The following B3GAT2 variants were observed in gnomAD, a reference collection of about 807,000 sequenced individuals.
B3GAT2 encodes beta-1,3-glucuronyltransferase 2.
Under a neutral mutation model 27.8 loss-of-function variants are expected in B3GAT2, and 26 were observed. The observed-to-expected ratio is 0.93, with a 90% CI of 0.68 to 1.30. The LOEUF (loss-of-function observed/expected upper bound fraction) is 1.30. Among genes scored for constraint, B3GAT2 ranks in the 50% most tolerant of loss-of-function variants. The pLI is 0.00. For missense variants in B3GAT2, 458 were observed against 459.0 expected (o/e 1.00, Z 0.02); for synonymous variants, 218 against 195.1 (o/e 1.12, Z -0.98).
At position 70,860,122 on chromosome 6, in the gene B3GAT2, G is replaced by T; in HGVS notation, c.*1541C>A. On this transcript the variant is annotated 3_prime_UTR_variant, in exon 4 of 4. Transcript: ENST00000230053. The stretch of plus-strand genomic sequence containing the variant: ...CTAGTTGTCACATTAATGAAAAAAT[G>T]ACCAACTGTGTGGCTAAAGAAACAA... The T allele has an allele frequency of 6.8e-7, 1 of 1,467,432 alleles. No individual in the cohort carries two copies. The highest frequency in any genetic ancestry group is 1.5e-5 in the South Asian group (1 of 67,016). The allele number at this position is 1,467,432 out of a possible 1,614,324, so 90.9% of individuals were successfully genotyped here.
At chr6:70,880,482 T>C (rs1362240797) in intron 2 of B3GAT2, among the ~76,000 whole-genome samples, 7 of 152,110 alleles carry the variant, frequency 4.6e-5, no homozygotes, top group Non-Finnish European at 7.3e-5. Flanking sequence ...TCAAGTATTA[T>C]AGGAACTTGT....
At chr6:70,919,887 A>G (rs1772838387) in intron 1 of B3GAT2, among the ~76,000 whole-genome samples, 1 of 152,182 alleles carries the variant, frequency 6.6e-6, no homozygotes, top group Non-Finnish European at 1.5e-5. Context: ...TCTGTCCGTT[A>G]TCAGAGCTTG....
chr6:70,858,244 C>T lies in B3GAT2; in HGVS notation c.*3419G>A. 1 of 1,219,526 alleles carries T rather than the reference C, an allele frequency of 8.2e-7. No individual in the cohort carries two copies. The highest frequency in any genetic ancestry group is 1.1e-6 in the Non-Finnish European group (1 of 885,300). 75.5% of individuals were successfully genotyped at this position (1,219,526 alleles called of 1,614,324 possible). The stretch of plus-strand genomic sequence containing the variant: ...GCCTCTCACAGGTAGGGGTCATTTA[C>T]TTTCTAGCTTCTCCCAAATCAAACC... On this transcript the variant is annotated 3_prime_UTR_variant, in exon 4 of 4. Transcript: ENST00000230053.
intron 2 of B3GAT2, among the ~76,000 whole-genome samples, chr6:70,884,122 A>G (rs552888147): frequency 6.7e-6 from 1 of 150,298 alleles, no homozygotes; most frequent in Non-Finnish European, 1.5e-5. Context: ...AACAAAAAAA[A>G]CCCGCAACCA....
At chr6:70,884,175 T>A (rs1419407970) in intron 2 of B3GAT2, among the ~76,000 whole-genome samples, 58 of 152,048 alleles carry the variant, frequency 3.8e-4, no homozygotes, top group African/African-American at 1.4e-3. Flanking sequence ...ATGGTCTCTT[T>A]GCTCCTAGGT....
At chr6:70,895,112 T>C (rs1289678914) in intron 1 of B3GAT2, among the ~76,000 whole-genome samples, 1 of 152,208 alleles carries the variant, frequency 6.6e-6, no homozygotes, top group African/African-American at 2.4e-5. Flanking sequence ...ACACACCCCA[T>C]GCTGGAGCCC....
intron 1 of B3GAT2, among the ~76,000 whole-genome samples, chr6:70,948,109 C>T (rs1765521955): frequency 6.7e-6 from 1 of 148,578 alleles, no homozygotes; most frequent in Non-Finnish European, 1.5e-5. Flanking sequence ...CTATGACAAG[C>T]CCACAGCCAA....
chr6:70,886,048 A>G (rs1242781882), intron 2 of B3GAT2, among the ~76,000 whole-genome samples: 1 of 152,246 alleles, frequency 6.6e-6, no homozygotes, highest in Admixed American at 6.5e-5. Flanking sequence ...CCAAGTGTCT[A>G]CAATGTTCTA....
At chr6:70,903,026 T>C (rs1772534106) in intron 1 of B3GAT2, among the ~76,000 whole-genome samples, 2 of 152,084 alleles carry the variant, frequency 1.3e-5, no homozygotes, top group African/African-American at 4.8e-5. Context: ...GACAGATTTT[T>C]AAGTGTTCTT....
intron 2 of B3GAT2, among the ~76,000 whole-genome samples, chr6:70,870,319 C>T (rs1314434128): frequency 7.0e-6 from 1 of 143,638 alleles, no homozygotes; most frequent in Non-Finnish European, 1.5e-5. Context: ...CATGTTCTCA[C>T]TCATAGGTGG....
intron 1 of B3GAT2, among the ~76,000 whole-genome samples, chr6:70,917,924 A>G (rs1772801399): frequency 6.6e-6 from 1 of 152,136 alleles, no homozygotes; most frequent in Admixed American, 6.5e-5. Context: ...TGCTTGCTCT[A>G]GAGCTGAGTT....
At chr6:70,919,032 C>T (rs1772823599) in intron 1 of B3GAT2, among the ~76,000 whole-genome samples, 1 of 152,198 alleles carries the variant, frequency 6.6e-6, no homozygotes, top group African/African-American at 2.4e-5. Context: ...TCAGGTACAC[C>T]AATCAAACGT....
At chr6:70,885,482 TG>T (rs1171497821) in intron 2 of B3GAT2, among the ~76,000 whole-genome samples, 26 of 152,138 alleles carry the variant, frequency 1.7e-4, no homozygotes, top group Admixed American at 1.6e-3. Flanking sequence ...CACTCTCTTT[TG>T]GGGGTATTTA....
At chr6:70,930,137 A>G (rs1335507097) in intron 1 of B3GAT2, among the ~76,000 whole-genome samples, 1 of 152,248 alleles carries the variant, frequency 6.6e-6, no homozygotes, top group African/African-American at 2.4e-5. Context: ...CTGGCTAACC[A>G]TATGTAGAAA....
chr6:70,947,500 C>T (rs958916627), intron 1 of B3GAT2, among the ~76,000 whole-genome samples: 4 of 152,170 alleles, frequency 2.6e-5, no homozygotes, highest in Non-Finnish European at 2.9e-5. Flanking sequence ...ATAAATTCCT[C>T]GACACATACA....
At chr6:70,945,340 A>C (rs1297071436) in intron 1 of B3GAT2, among the ~76,000 whole-genome samples, 1 of 152,178 alleles carries the variant, frequency 6.6e-6, no homozygotes, top group East Asian at 1.9e-4. Context: ...ATTTAGACGA[A>C]TGTATAACTA....
Position 70,860,279 on chromosome 6 carries a change from C to T in B3GAT2, c.*1384G>A, listed in dbSNP as rs752782871. On this transcript the variant is annotated 3_prime_UTR_variant, in exon 4 of 4. Transcript: ENST00000230053. ...TTTGGCCAGCCCTCCAGCACAACAGCAGGATGGTCTGGAAGCTCATCAGGT... is the reference window on the plus strand; with the variant it reads ...TTTGGCCAGCCCTCCAGCACAACAGTAGGATGGTCTGGAAGCTCATCAGGT... 1.1e-5 allele frequency: 18 copies of T among 1,613,652 alleles called. No homozygotes were observed. In the South Asian group the frequency reaches 1.9e-4, roughly 17 times the overall value.
At chr6:70,917,373 T>C (rs920156062) in intron 1 of B3GAT2, among the ~76,000 whole-genome samples, 1 of 152,098 alleles carries the variant, frequency 6.6e-6, no homozygotes, top group African/African-American at 2.4e-5. Context: ...TGATTTTTTT[T>C]AAGGGTTTTT....
intron 1 of B3GAT2, among the ~76,000 whole-genome samples, chr6:70,937,032 G>T (rs1437175417): frequency 1.3e-5 from 2 of 151,886 alleles, no homozygotes; most frequent in Admixed American, 6.6e-5. Flanking sequence ...AGAAAAGAGA[G>T]AAAAATCAAA....
Sources: allele counts gnomAD v4.1 joint callset (sites outside exome capture counted in the v4.1 genomes callset), GRCh38; gene constraint gnomAD v4.1.1; transcripts MANE v1.5; gene names NCBI Gene and HGNC (gene_info 2026-07-23, HGNC 2026-07-21).